The following WDR18 variants were observed in gnomAD, a reference collection of about 807,000 sequenced individuals.
The protein encoded by WDR18 is WD repeat domain 18.
Under a neutral mutation model 49.6 loss-of-function variants are expected in WDR18, and 33 were observed. That is an observed-to-expected ratio of 0.67 (90% confidence interval 0.50 to 0.89). The LOEUF is 0.89. Among genes scored for constraint, WDR18 ranks in the 40% least tolerant of loss-of-function variants. The pLI is 0.00. For synonymous variants in WDR18, 315 were observed against 263.6 expected, an observed-to-expected ratio of 1.19 and a Z score of -1.89; for missense variants, 653 against 593.6, an observed-to-expected ratio of 1.10 and a Z score of -1.04.
chr19:986,014 C>T (rs534872024), intron 2 of WDR18, 39 bp downstream of exon 2: 4 of 1,592,962 alleles, frequency 2.5e-6, no homozygotes, highest in Non-Finnish European at 3.4e-6. Flanking sequence ...CACAGGACAT[C>T]TCAGCCCATC....
At position 994,085 on chromosome 19, in the gene WDR18, G is replaced by T; in HGVS notation, c.1164G>T (p.Glu388Asp). ...QLQAVLCSTM[E>D]KSVLGGQDQL... The stretch of plus-strand genomic sequence containing the variant: ...AGGCCGTCCTGTGCAGCACCATGGA[G>T]AAGGTGGGCGGGGCCTCGGGAGGGG... The change falls in exon 9 of 10, where the codon GAG (glutamate) becomes GAT (aspartate). Residue 388 changes from glutamate (E) to aspartate (D), a missense_variant. By Grantham distance (45) the Glu-to-Asp change is conservative (BLOSUM62 2). Transcript: ENST00000585809. The T allele has an allele frequency of 6.4e-7, 1 of 1,557,286 alleles. No homozygotes were observed. Among genetic ancestry groups the T allele is most frequent in the Non-Finnish European group, 8.7e-7 (1 of 1,152,358 alleles).
chr19:987,952 A>G (rs1568384182), intron 2 of WDR18, among the ~76,000 whole-genome samples: 1 of 147,982 alleles, frequency 6.8e-6, no homozygotes, highest in Non-Finnish European at 1.5e-5. Context: ...CTCCTGCCTC[A>G]GCCTCCCAAG....
intron 7 of WDR18, among the ~76,000 whole-genome samples, chr19:991,573 G>T (rs1375550294): frequency 8.6e-6 from 1 of 116,502 alleles, no homozygotes; most frequent in East Asian, 2.6e-4. Context: ...ACGGGGCGGG[G>T]CCTGGCTGGG....
intron 2 of WDR18, among the ~76,000 whole-genome samples, chr19:988,003 T>G (rs2038494682): frequency 6.6e-6 from 1 of 152,002 alleles, no homozygotes; most frequent in South Asian, 2.1e-4. Context: ...CTAATTTTTG[T>G]ATTTTTATTA....
chr19:991,671 C>G (rs1239960042), intron 7 of WDR18, among the ~76,000 whole-genome samples: 1 of 62,062 alleles, frequency 1.6e-5, no homozygotes, highest in African/African-American at 7.2e-5. Context: ...CGGGGCCTGG[C>G]TGGGGGCGTG....
chr19:993,203 C>T (rs971804116), intron 8 of WDR18, among the ~76,000 whole-genome samples: 1 of 152,246 alleles, frequency 6.6e-6, no homozygotes, highest in Admixed American at 6.5e-5. Flanking sequence ...CCGGAACTTT[C>T]GGAGTGAAAA....
At chr19:993,366 C>A (rs1322265622) in intron 8 of WDR18, among the ~76,000 whole-genome samples, 2 of 152,236 alleles carry the variant, frequency 1.3e-5, no homozygotes, top group Non-Finnish European at 2.9e-5. Context: ...CGGAGGGGGC[C>A]AGGCCATGCC....
chr19:984,252 G>C (rs1027082690), upstream of WDR18: 2 of 1,224,634 alleles, frequency 1.6e-6, no homozygotes, highest in African/African-American at 1.6e-5. Context: ...TGCGCGGGTC[G>C]GCCACCCGCT....
Position 994,046 on chromosome 19 carries a change from C to A in WDR18, c.1125C>A (p.Arg375=). The change falls in exon 9 of 10, where the codon CGC becomes CGA. Residue 375 remains arginine (R), a synonymous_variant. Transcript: ENST00000585809. Reference sequence around the variant, plus strand: ...GCTCGGAGCCCAGCTACCTGGACCGCACGGAGCAGCTGCAGGCCGTCCTGT... The same window carrying A: ...GCTCGGAGCCCAGCTACCTGGACCGAACGGAGCAGCTGCAGGCCGTCCTGT... The part of the protein sequence containing the change: ...QQGSEPSYLD[R]TEQLQAVLCS... The A allele has an allele frequency of 6.4e-7, 1 of 1,560,250 alleles. No homozygotes were observed. Among genetic ancestry groups the A allele is most frequent in the Non-Finnish European group, 8.7e-7 (1 of 1,153,352 alleles).
chr19:983,808 G>T (rs2038444211), upstream of WDR18, among the ~76,000 whole-genome samples: 1 of 151,862 alleles, frequency 6.6e-6, no homozygotes, highest in African/African-American at 2.4e-5. Context: ...GGCAGGCCGA[G>T]CTGGGAGGAT....
chr19:991,560 G>A, intron 7 of WDR18, among the ~76,000 whole-genome samples: 1 of 119,460 alleles, frequency 8.4e-6, no homozygotes, highest in Admixed American at 8.1e-5. Flanking sequence ...GGGCCTGGCT[G>A]GGACGGGGCG....
rs375148723 is a variant in WDR18 at position 991,989 on chromosome 19, C to G, written c.966C>G (p.Pro322=). 9.4e-6 allele frequency: 15 copies of G among 1,596,906 alleles called. No individual in the cohort carries two copies. The African/African-American group carries it at 1.1e-4, about 12-fold the overall frequency. The change falls in exon 8 of 10, where the codon CCC becomes CCG. Residue 322 remains proline (P), a synonymous_variant. Coordinates refer to ENST00000585809, the MANE Select transcript of WDR18 (RefSeq NM_024100.4). ...PVTNAAILLA[P]VSMLSSDFRP... is the part of the protein sequence containing the mutation. ...CCAATGCCGCCATCCTGCTGGCGCC[C>G]GTCAGCATGCTGAGCTCAGACTTCA...
chr19:992,668 G>C (rs2038575660), intron 8 of WDR18, among the ~76,000 whole-genome samples: 1 of 152,208 alleles, frequency 6.6e-6, no homozygotes, highest in Non-Finnish European at 1.5e-5. Context: ...TCTGAGGGTA[G>C]AGTGACTTCC....
intron 2 of WDR18, among the ~76,000 whole-genome samples, chr19:988,108 G>A (rs1428449201): frequency 1.3e-5 from 2 of 151,998 alleles, no homozygotes; most frequent in Non-Finnish European, 2.9e-5. Flanking sequence ...GGGATGACAG[G>A]CGTGAGCCAC....
At position 990,250 on chromosome 19, in the gene WDR18, T is replaced by G. The variant is rs2038526589; in HGVS notation, c.483T>G (p.Ile161Met). 6.3e-7 allele frequency: 1 copy of G among 1,598,738 alleles called. No homozygotes were observed. The highest frequency in any genetic ancestry group is 8.5e-7 in the Non-Finnish European group (1 of 1,179,262). Reference protein sequence around the residue: ...CSVLQADPSRIPAPRHVWSHH... With the variant: ...CSVLQADPSRMPAPRHVWSHH... ...TGCTGCAGGCCGACCCCTCCAGGAT[T>G]CCGGCGCCCAGGCACGTCTGGTCTC... Residue 161 changes from isoleucine to methionine, a missense_variant, in exon 4 of 10, where the codon ATT (isoleucine) becomes ATG (methionine). By Grantham distance (10) the Ile-to-Met change is conservative (BLOSUM62 1). Transcript: ENST00000585809.
At chr19:984,311 C>T, upstream of WDR18, 2 of 1,523,826 alleles carry the variant, frequency 1.3e-6, no homozygotes, top group Non-Finnish European at 8.8e-7. Flanking sequence ...TCGTCCGCGT[C>T]TCGCTCATGA....
intron 1 of WDR18, 96 bp downstream of exon 1, chr19:984,659 T>C (rs2038456294): frequency 9.6e-6 from 12 of 1,250,532 alleles, no homozygotes; most frequent in Non-Finnish European, 4.2e-6. Flanking sequence ...TTAGTCGGAA[T>C]TGGCGTGGGG....
At position 987,828 on chromosome 19, in the gene WDR18, A is replaced by ATTTTTTTTTTTTTTT. The variant is rs2038490267; in HGVS notation, c.321+1853_321+1854insTTTTTTTTTTTTTTT. Among the ~76,000 whole-genome samples the ATTTTTTTTTTTTTTT allele has an allele frequency of 4.0e-4, 19 of 47,804 alleles. No homozygotes were observed. In the East Asian group the frequency reaches 4.4e-3, roughly 11 times the overall value. The allele number at this position is 47,804 out of a possible 152,430, so 31.4% of individuals were successfully genotyped here. A position where few individuals can be genotyped will look rare whatever the true frequency, so the allele number is the denominator to read the frequency against. ...GACCCCTGCTCCCCTAGCCGCCTCC[A>ATTTTTTTTTTTTTTT]GTTTTTTTTTTTTTTTTTTTTTTTC... On this transcript the variant is annotated intron_variant, in intron 2 of 9. Coordinates refer to ENST00000585809, the MANE Select transcript of WDR18 (RefSeq NM_024100.4).
At chr19:988,150 C>CGT (rs35879377) in intron 2 of WDR18, among the ~76,000 whole-genome samples, 69,221 of 151,578 alleles carry the variant, frequency 0.46, 16,592 homozygotes, top group Non-Finnish European at 0.54. Context: ...GTTTCTGACC[C>CGT]GTGAGCTGTG....
Sources: allele counts gnomAD v4.1 joint callset (sites outside exome capture counted in the v4.1 genomes callset), GRCh38; gene constraint gnomAD v4.1.1; transcripts MANE v1.5; gene names NCBI Gene and HGNC (gene_info 2026-07-23, HGNC 2026-07-21).